Variants in ANHX observed in about 807,000 individuals in gnomAD.
The protein encoded by ANHX is anomalous homeobox, also known as anomalous homeobox protein.
A neutral mutation model predicts 38.9 loss-of-function variants in ANHX; 20 were observed. That is an observed-to-expected ratio of 0.51 (90% CI 0.36 to 0.75). ANHX has a LOEUF of 0.75. Ranked by LOEUF, ANHX falls within the 30% of genes least tolerant of loss-of-function variation. ANHX has a pLI of 0.00. For missense variants in ANHX, 475 were observed against 493.1 expected, an observed-to-expected ratio of 0.96 and a Z score of 0.35; for synonymous variants, 185 against 203.1, an observed-to-expected ratio of 0.91 and a Z score of 0.76.
In ANHX at chr12:133,234,267, C is replaced by T; in HGVS notation, c.90G>A (p.Arg30=). The T allele has an allele frequency of 6.5e-7, 1 of 1,536,152 alleles. No individual in the cohort carries two copies. Among genetic ancestry groups the T allele is most frequent in the Non-Finnish European group, 8.7e-7 (1 of 1,146,908 alleles). ...GTTGGGCAAGGTCATCCTGGAAGTC[C>T]CGGCACAGTCTGCCCGCAAGGGTCA... ...ELVTLAGRLC[R]DFQDDLAQLQ... is the part of the protein sequence containing the mutation. Residue 30 remains arginine (R), a synonymous_variant, in exon 2 of 10, where the codon CGG becomes CGA. Transcript: ENST00000545940.
intron 2 of ANHX, among the ~76,000 whole-genome samples, chr12:133,233,805 A>G (rs1189871019): frequency 3.3e-5 from 5 of 152,218 alleles, no homozygotes. Flanking sequence ...CTCCAAAGAC[A>G]GGACTGCATT....
chr12:133,221,875 T>G lies in ANHX; in HGVS notation c.1133-523A>C, dbSNP rs1312546708. Among the ~76,000 whole-genome samples, 1 of 152,190 alleles carries G rather than the reference T, an allele frequency of 6.6e-6. No individual in the cohort carries two copies. Among genetic ancestry groups the G allele is most frequent in the African/African-American group, 2.4e-5 (1 of 41,444 alleles). On this transcript the variant is annotated intron_variant, in intron 7 of 9. Coordinates refer to ENST00000545940, the MANE Select transcript of ANHX (RefSeq NM_001372060.1). This position sits in a 1 kb window ranked among gnomAD's most constrained non-coding sequence, Gnocchi z 4.1. ...CATCTCTCACTCTTAGACAAGCTAC[T>G]GTGGTTTTGGTCAATTCTGGGTGGA... is the stretch of plus-strand genomic sequence containing the variant.
At position 133,221,676 on chromosome 12, in the gene ANHX, G is replaced by A. The variant is rs903476558; in HGVS notation, c.1133-324C>T. 9.2e-5 allele frequency among the ~76,000 whole-genome samples: 14 copies of A among 152,264 alleles called. No individual in the cohort carries two copies. The highest frequency in any genetic ancestry group is 1.9e-4 in the East Asian group (1 of 5,164). On this transcript the variant is annotated intron_variant, in intron 7 of 9. Transcript: ENST00000545940. The surrounding 1 kb of genome is among the most constrained non-coding windows in gnomAD (Gnocchi z 4.1). Reference sequence around the variant, plus strand: ...GCAGCTTGCTCCGTCCTGCTGGTGCGGAAGGATGTGCCAGGAGCCCTCAGT... The same window carrying A: ...GCAGCTTGCTCCGTCCTGCTGGTGCAGAAGGATGTGCCAGGAGCCCTCAGT...
intron 2 of ANHX, among the ~76,000 whole-genome samples, chr12:133,233,443 T>C (rs146417948): frequency 0.068 from 10,360 of 152,164 alleles, 1,193 homozygotes; most frequent in African/African-American, 0.24. Flanking sequence ...AAATTCCTTT[T>C]TGGAAACCCT....
In ANHX at chr12:133,221,408, T is replaced by C; in HGVS notation, c.1133-56A>G. On this transcript the variant is annotated intron_variant, in intron 7 of 9. Transcript: ENST00000545940. The surrounding 1 kb of genome is among the most constrained non-coding windows in gnomAD (Gnocchi z 4.1). ...GCAGGAGAAAGGAGCAGAGCCCACG[T>C]GTGACACAACCAAGACCTCAAAGCA... 6.7e-7 allele frequency: 1 copy of C among 1,494,700 alleles called. No homozygotes were observed. The allele number at this position is 1,494,700 out of a possible 1,614,324, so 92.6% of individuals were successfully genotyped here. A position where few individuals can be genotyped will look rare whatever the true frequency, so the allele number is the denominator to read the frequency against.
In ANHX at chr12:133,226,399, G is replaced by A; in HGVS notation, c.758C>T (p.Thr253Ile). ...EEKGPPQSPQTTQGPWEPLAL... is the reference protein window; with the variant it reads ...EEKGPPQSPQITQGPWEPLAL... The stretch of plus-strand genomic sequence containing the variant: ...CAGTGGCTCCCATGGTCCTTGGGTG[G>A]TCTGTGGGGACTGTGGAGGCCCCTT... Residue 253 changes from threonine to isoleucine, a missense_variant, in exon 6 of 10, where the codon ACC becomes ATC. Coordinates refer to ENST00000545940, the MANE Select transcript of ANHX (RefSeq NM_001372060.1). The A allele has an allele frequency of 6.5e-7, 1 of 1,536,214 alleles. No individual in the cohort carries two copies. Among genetic ancestry groups the A allele is most frequent in the Admixed American group, 2.0e-5 (1 of 51,004 alleles).
Position 133,221,148 on chromosome 12 carries a change from C to T in ANHX, c.1280+57G>A. ...CGGTGAGTCTATAAACTGGGCATTA[C>T]CCTATCTTGTGGCCTGTGGAAAGGA... On this transcript the variant is annotated intron_variant, in intron 8 of 9. Coordinates refer to ENST00000545940, the MANE Select transcript of ANHX (RefSeq NM_001372060.1). The surrounding 1 kb of genome is among the most constrained non-coding windows in gnomAD (Gnocchi z 4.1). 2 of 1,524,550 alleles carry T rather than the reference C, an allele frequency of 1.3e-6. No homozygotes were observed. The highest frequency in any genetic ancestry group is 1.2e-5 in the South Asian group (1 of 82,666). 94.4% of individuals were successfully genotyped at this position (1,524,550 alleles called of 1,614,324 possible). A position where few individuals can be genotyped will look rare whatever the true frequency, so the allele number is the denominator to read the frequency against.
chr12:133,226,979 G>A lies in ANHX; in HGVS notation c.675C>T (p.Asn225=), dbSNP rs1957197945. 1 of 1,533,682 alleles carries A rather than the reference G, an allele frequency of 6.5e-7. No homozygotes were observed. Among genetic ancestry groups the A allele is most frequent in the Non-Finnish European group, 8.7e-7 (1 of 1,145,308 alleles). Residue 225 remains asparagine, a synonymous_variant, in exon 5 of 10, where the codon AAC becomes AAT. Transcript: ENST00000545940. ...CCACAAACCCAGAGTCAACACGGGG[G>A]TTGCCTGAGGGCTGCAGGAGGTCAG... ...RGPDLLQPSG[N]PRVDSGFVDR...
chr12:133,235,502 G>A, intron 1 of ANHX: 1 of 139,518 alleles, frequency 7.2e-6, no homozygotes, highest in Non-Finnish European at 1.5e-5. Context: ...TTTCTGGCAC[G>A]CTGCTCCCTG....
At chr12:133,225,993 C>T (rs1270289970) in intron 6 of ANHX, among the ~76,000 whole-genome samples, 165 bp from the exon 7 acceptor site, 2 of 152,090 alleles carry the variant, frequency 1.3e-5, no homozygotes, top group Non-Finnish European at 2.9e-5. Flanking sequence ...GTACTAGAAA[C>T]AAACCACAGG....
chr12:133,227,482 C>A (rs558431063), intron 4 of ANHX, among the ~76,000 whole-genome samples: 1 of 152,352 alleles, frequency 6.6e-6, no homozygotes, highest in South Asian at 2.1e-4. Flanking sequence ...CCTGCAGAAC[C>A]ACACTGCCTG....
At chr12:133,222,871 AAAG>A (rs1957130039) in intron 7 of ANHX, among the ~76,000 whole-genome samples, 4 of 152,248 alleles carry the variant, frequency 2.6e-5, no homozygotes, top group African/African-American at 4.8e-5. Context: ...AGAGATCAGT[AAAG>A]AAGGATTGAA....
At chr12:133,224,188 GA>G (rs1957152075) in intron 7 of ANHX, among the ~76,000 whole-genome samples, 3 of 152,126 alleles carry the variant, frequency 2.0e-5, no homozygotes, top group Admixed American at 6.5e-5. Flanking sequence ...ACTTGGAGGG[GA>G]AAGGGAAAAT....
intron 7 of ANHX, among the ~76,000 whole-genome samples, chr12:133,225,292 C>T (rs903251035): frequency 1.3e-5 from 2 of 151,396 alleles, no homozygotes; most frequent in African/African-American, 4.9e-5. Context: ...TTCAACTCTT[C>T]CTCTTCAGTG....
intron 5 of ANHX, 98 bp downstream of exon 5, chr12:133,226,838 G>A: frequency 3.4e-6 from 4 of 1,174,920 alleles, no homozygotes; most frequent in Non-Finnish European, 4.6e-6. Flanking sequence ...CTGATTGGAG[G>A]AGGGCTACCC....
At chr12:133,219,036 C>T in intron 9 of ANHX, 65 bp from the exon 10 acceptor site, 1 of 1,404,586 alleles carries the variant, frequency 7.1e-7, no homozygotes, top group South Asian at 1.3e-5. Context: ...GCCCTCCCAC[C>T]TGGGCACCTC....
In ANHX at chr12:133,221,449, C is replaced by G; in HGVS notation, c.1133-97G>C. 2.9e-6 allele frequency: 4 copies of G among 1,392,104 alleles called. No homozygotes were observed. The highest frequency in any genetic ancestry group is 2.8e-6 in the Non-Finnish European group (3 of 1,053,018). The allele number at this position is 1,392,104 out of a possible 1,614,324, so 86.2% of individuals were successfully genotyped here. A position where few individuals can be genotyped will look rare whatever the true frequency, so the allele number is the denominator to read the frequency against. On this transcript the variant is annotated intron_variant, in intron 7 of 9. Transcript: ENST00000545940. This position sits in a 1 kb window ranked among gnomAD's most constrained non-coding sequence, Gnocchi z 4.1. ...CCTCAAAGCACGGAGGCGGATGCAG[C>G]CTCCGGCCCAGCCAGCCCGCGCCAC...
At chr12:133,224,319 GA>G (rs1009966552) in intron 7 of ANHX, among the ~76,000 whole-genome samples, 1 of 151,726 alleles carries the variant, frequency 6.6e-6, no homozygotes, top group Non-Finnish European at 1.5e-5. Flanking sequence ...GCTCCAAGAA[GA>G]AAAAAAAGCT....
chr12:133,231,543 C>A lies in ANHX; in HGVS notation c.351G>T (p.Pro117=), dbSNP rs147259575. The A allele has an allele frequency of 2.6e-6, 4 of 1,535,916 alleles. No individual in the cohort carries two copies. Among genetic ancestry groups the A allele is most frequent in the South Asian group, 1.2e-5 (1 of 84,068 alleles). The part of the protein sequence containing the change: ...MRRLGVAALT[P]VQKFRCRKRN... ...TCTTCCTGCAGCGGAACTTCTGCAC[C>A]GGGGTGAGCGCAGCCACGCCCAGCC... The change falls in exon 3 of 10, where the codon CCG becomes CCT. Residue 117 remains proline, a synonymous_variant. Transcript: ENST00000545940.
Sources: gnomAD v4.1 joint callset for allele counts (sites outside exome capture counted in the v4.1 genomes callset) on GRCh38, gnomAD v4.1.1 for gene constraint, Gnocchi (gnomAD v3.1) non-coding constraint, MANE v1.5 for transcripts, NCBI Gene and HGNC (gene_info 2026-07-23, HGNC 2026-07-21) for gene names.